Variants in GALK2 observed in about 807,000 individuals in gnomAD.
GALK2 encodes the protein galactokinase 2.
In GALK2, 36 loss-of-function variants were observed where a neutral mutation model predicts 52.4. That is an observed-to-expected ratio of 0.69 (90% CI 0.53 to 0.91). The LOEUF is 0.91. GALK2 is among the 40% of genes least tolerant of loss of function. The pLI is 0.00. For missense variants in GALK2, 579 were observed against 559.1 expected (o/e 1.04, Z -0.36); for synonymous variants, 176 against 199.1 (o/e 0.88, Z 0.98).
At chr15:49,252,243 G>A (rs1013602606) in intron 5 of GALK2, among the ~76,000 whole-genome samples, 3 of 152,112 alleles carry the variant, frequency 2.0e-5, no homozygotes, top group African/African-American at 4.8e-5. Context: ...TCCAGTCTGG[G>A]TGACAGAGTA....
In GALK2 at chr15:49,316,189, A is replaced by G. The variant is rs567759558; in HGVS notation, c.968-3415A>G. ...TGGATCTTGGTGTAAACCAGTTGAA[A>G]TGTAAACTGGTGGACAATTGGGAAA... On this transcript the variant is annotated intron_variant, in intron 8 of 9. Transcript: ENST00000560031. Among the ~76,000 whole-genome samples, 9 of 152,338 alleles carry G rather than the reference A, an allele frequency of 5.9e-5. 1 individual carries two copies. In the South Asian group the frequency reaches 1.5e-3, roughly 25 times the overall value.
At chr15:49,206,079 C>T (rs1427413232) in intron 2 of GALK2, among the ~76,000 whole-genome samples, 1 of 152,046 alleles carries the variant, frequency 6.6e-6, no homozygotes, top group African/African-American at 2.4e-5. Flanking sequence ...CTATTTTGTT[C>T]CATTGGTCTA....
intron 2 of GALK2, among the ~76,000 whole-genome samples, chr15:49,208,567 C>A (rs1360029069): frequency 6.6e-6 from 1 of 152,150 alleles, no homozygotes; most frequent in Non-Finnish European, 1.5e-5. Context: ...TGTTTTGTGG[C>A]CCATCACGTG....
At chr15:49,220,547 G>A (rs2089721816) in intron 3 of GALK2, among the ~76,000 whole-genome samples, 1 of 152,126 alleles carries the variant, frequency 6.6e-6, no homozygotes, top group Non-Finnish European at 1.5e-5. Flanking sequence ...TAAATATGGA[G>A]TGCAGGTATC....
In GALK2 at chr15:49,353,152, C is replaced by A. The variant is rs944151358; in HGVS notation, c.427-14339C>A. Among the ~76,000 whole-genome samples the A allele has an allele frequency of 2.0e-5, 3 of 152,274 alleles. No homozygotes were observed. In the East Asian group the frequency reaches 5.8e-4, roughly 29 times the overall value. ...TTCAGCCACTGATAGTGTGGAAAGT[C>A]AAATTCCTCCAACAAAATCATAGGG... On this transcript the variant is annotated intron_variant, in intron 3 of 3. Coordinates refer to the GALK2 transcript ENST00000558399.
chr15:49,205,664 T>G (rs1486500683), intron 2 of GALK2, among the ~76,000 whole-genome samples: 1 of 152,194 alleles, frequency 6.6e-6, no homozygotes, highest in African/African-American at 2.4e-5. Context: ...GTGAAGATTT[T>G]CTCCAACTCT....
upstream of GALK2, among the ~76,000 whole-genome samples, chr15:49,165,309 A>G (rs1350277372): frequency 1.3e-5 from 2 of 152,246 alleles, no homozygotes; most frequent in Non-Finnish European, 2.9e-5. Flanking sequence ...AATCTTCATA[A>G]TAACCCTATG....
chr15:49,183,486 T>C (rs779100546), intron 1 of GALK2, among the ~76,000 whole-genome samples: 2 of 152,246 alleles, frequency 1.3e-5, no homozygotes, highest in Non-Finnish European at 2.9e-5. Flanking sequence ...CTTATTGATT[T>C]CTAGTTTTAT....
chr15:49,288,393 T>C (rs536222257), intron 7 of GALK2, among the ~76,000 whole-genome samples: 1 of 152,254 alleles, frequency 6.6e-6, no homozygotes, highest in South Asian at 2.1e-4. Context: ...AAATTTACAG[T>C]GATTCTTTAC....
At chr15:49,303,038 T>C (rs1047131704) in intron 8 of GALK2, among the ~76,000 whole-genome samples, 1 of 152,182 alleles carries the variant, frequency 6.6e-6, no homozygotes, top group Non-Finnish European at 1.5e-5. Context: ...CCTTTTTTCT[T>C]TCTCTCTCTG....
chr15:49,329,837 G>T lies in GALK2; in HGVS notation c.*1678G>T, dbSNP rs1224078011. On this transcript the variant is annotated 3_prime_UTR_variant, in exon 10 of 10. Coordinates refer to ENST00000560031, the MANE Select transcript of GALK2 (RefSeq NM_002044.4). ...AAAAAAAAAAAAGGCACCTGTCATT[G>T]TTTTGCTGTTCCATTTACAATTTTC... 71 of 799,668 alleles carry T rather than the reference G, an allele frequency of 8.9e-5. No homozygotes were observed. Among genetic ancestry groups the T allele is most frequent in the Non-Finnish European group, 1.0e-4 (68 of 664,982 alleles). 49.5% of individuals were successfully genotyped at this position (799,668 alleles called of 1,614,324 possible).
Position 49,359,517 on chromosome 15 carries a change from T to C in GALK2, c.427-7974T>C, listed in dbSNP as rs1596505978. Among the ~76,000 whole-genome samples, 3 of 117,378 alleles carry C rather than the reference T, an allele frequency of 2.6e-5. 1 individual carries two copies. In the East Asian group the frequency reaches 7.4e-4, roughly 29 times the overall value. The allele number at this position is 117,378 out of a possible 152,430, so 77.0% of individuals were successfully genotyped here. A position where few individuals can be genotyped will look rare whatever the true frequency, so the allele number is the denominator to read the frequency against. ...TCATCATCACTGGCCGTCAGAGAAA[T>C]GCAAATCAAAACCACAATGAGATAC... On this transcript the variant is annotated intron_variant, in intron 3 of 3. Coordinates refer to the GALK2 transcript ENST00000558399.
intron 7 of GALK2, among the ~76,000 whole-genome samples, chr15:49,285,752 A>T (rs2033279320): frequency 6.6e-6 from 1 of 152,130 alleles, no homozygotes; most frequent in Non-Finnish European, 1.5e-5. Flanking sequence ...CCTTAAATTC[A>T]TGCTCATCTC....
intron 3 of GALK2, among the ~76,000 whole-genome samples, chr15:49,218,645 G>C (rs2089566426): frequency 1.3e-5 from 2 of 152,136 alleles, no homozygotes; most frequent in African/African-American, 2.4e-5. Context: ...TTGTCCATTT[G>C]TTTTAGCATT....
chr15:49,367,520 A>C (rs2045403540), exon 4 of GALK2: 2 of 1,606,754 alleles, frequency 1.2e-6, no homozygotes, highest in Non-Finnish European at 1.7e-6. Flanking sequence ...CAGCTCATGC[A>C]TCTTAAGATA....
chr15:49,282,762 T>C (rs1308580189), intron 6 of GALK2, among the ~76,000 whole-genome samples: 1 of 152,228 alleles, frequency 6.6e-6, no homozygotes, highest in African/African-American at 2.4e-5. Flanking sequence ...CAGGCTTGGC[T>C]ATTTTCCAAG....
At chr15:49,345,397 C>T (rs1368139036) in intron 3 of GALK2, among the ~76,000 whole-genome samples, 1 of 152,144 alleles carries the variant, frequency 6.6e-6, no homozygotes, top group Non-Finnish European at 1.5e-5. Flanking sequence ...GAAATCTTAG[C>T]ATTTTCTTGT....
chr15:49,367,611 G>A, exon 4 of GALK2: 4 of 1,540,020 alleles, frequency 2.6e-6, no homozygotes, highest in Non-Finnish European at 3.5e-6. Context: ...TAGTGCGACT[G>A]TAAGAGGAAG....
At chr15:49,207,322 G>T (rs1055508212) in intron 2 of GALK2, among the ~76,000 whole-genome samples, 6 of 152,128 alleles carry the variant, frequency 3.9e-5, no homozygotes, top group African/African-American at 1.4e-4. Context: ...TCCTTTCCTG[G>T]TTTTGATATT....
Sources: gnomAD v4.1 joint callset for allele counts (sites outside exome capture counted in the v4.1 genomes callset) on GRCh38, gnomAD v4.1.1 for gene constraint, MANE v1.5 for transcripts, NCBI Gene and HGNC (gene_info 2026-07-23, HGNC 2026-07-21) for gene names.